MARCHF1: variants seen among roughly 807,000 people sequenced by gnomAD.
The protein encoded by MARCHF1 is membrane associated ring-CH-type finger 1, also known as E3 ubiquitin-protein ligase MARCHF1.
MARCHF1 carries 40 observed loss-of-function variants against 54.2 expected under a neutral mutation model. That is an observed-to-expected ratio of 0.74 (90% CI 0.57 to 0.96). The LOEUF (loss-of-function observed/expected upper bound fraction) is 0.96. Among genes scored for constraint, MARCHF1 ranks in the 40% least tolerant of loss-of-function variants. The pLI is 0.00. For synonymous variants in MARCHF1, 236 were observed against 236.3 expected (o/e 1.00, Z 0.01); for missense variants, 586 against 656.5 (o/e 0.89, Z 1.17).
chr4:164,003,052 G>A (rs1249983379), intron 2 of MARCHF1, among the ~76,000 whole-genome samples: 1 of 151,844 alleles, frequency 6.6e-6, no homozygotes, highest in Non-Finnish European at 1.5e-5. Context: ...GAAAGAATGA[G>A]AAGAGGAATA....
intron 5 of MARCHF1, among the ~76,000 whole-genome samples, chr4:163,697,301 A>C (rs1744666036): frequency 6.6e-6 from 1 of 152,172 alleles, no homozygotes; most frequent in African/African-American, 2.4e-5. Context: ...ACAGTGAATC[A>C]TCCTTAACAG....
At chr4:163,986,296 G>A (rs1399709594) in intron 3 of MARCHF1, among the ~76,000 whole-genome samples, 3 of 47,370 alleles carry the variant, frequency 6.3e-5, no homozygotes, top group Non-Finnish European at 1.4e-4. Context: ...GGAGTGTCTC[G>A]CTCTGTCGCC....
chr4:164,049,608 T>C (rs1035465411), intron 2 of MARCHF1, among the ~76,000 whole-genome samples: 8 of 152,106 alleles, frequency 5.3e-5, no homozygotes. Context: ...CCTGAAAACA[T>C]ACCCTTGGAT....
chr4:163,865,855 T>C (rs1475400911), intron 3 of MARCHF1, among the ~76,000 whole-genome samples: 1 of 151,716 alleles, frequency 6.6e-6, no homozygotes, highest in Non-Finnish European at 1.5e-5. Flanking sequence ...ATATAGTTTT[T>C]TTCTGATAAA....
chr4:163,577,357 T>A (rs908885025), intron 8 of MARCHF1, among the ~76,000 whole-genome samples: 1 of 152,072 alleles, frequency 6.6e-6, no homozygotes, highest in Non-Finnish European at 1.5e-5. Context: ...TGGTGGGTTA[T>A]AAACTTCTTG....
At chr4:164,296,392 A>G (rs1734412092) in intron 1 of MARCHF1, among the ~76,000 whole-genome samples, 2 of 152,148 alleles carry the variant, frequency 1.3e-5, no homozygotes, top group South Asian at 4.1e-4. Flanking sequence ...ATTTTTCTGG[A>G]GAGCGAGTCT....
chr4:163,889,557 G>T (rs1421746213), intron 3 of MARCHF1, among the ~76,000 whole-genome samples: 1 of 152,064 alleles, frequency 6.6e-6, no homozygotes, highest in Non-Finnish European at 1.5e-5. Context: ...TACATGGGGG[G>T]AGAAAAGAAG....
intron 1 of MARCHF1, among the ~76,000 whole-genome samples, chr4:164,141,614 G>A (rs1196861676): frequency 2.0e-5 from 3 of 152,230 alleles, no homozygotes; most frequent in Non-Finnish European, 2.9e-5. Flanking sequence ...TAGAGCCCAT[G>A]ATTTCACCTG....
At chr4:164,163,825 G>C (rs2110950593) in intron 1 of MARCHF1, among the ~76,000 whole-genome samples, 1 of 151,974 alleles carries the variant, frequency 6.6e-6, no homozygotes, top group Admixed American at 6.6e-5. Flanking sequence ...TACCAAGACA[G>C]ACTCTATTCT....
chr4:163,876,431 CT>C (rs1750291335), intron 3 of MARCHF1, among the ~76,000 whole-genome samples: 1 of 152,148 alleles, frequency 6.6e-6, no homozygotes, highest in Non-Finnish European at 1.5e-5. Flanking sequence ...GTCTCAAATC[CT>C]GTTTCTTCCC....
intron 1 of MARCHF1, among the ~76,000 whole-genome samples, chr4:164,357,131 T>A (rs1730579282): frequency 6.7e-6 from 1 of 148,388 alleles, no homozygotes; most frequent in African/African-American, 2.5e-5. Context: ...AAAAAAAAAA[T>A]AAATAAAAAT....
At chr4:164,125,551 A>T (rs1756161733) in intron 1 of MARCHF1, among the ~76,000 whole-genome samples, 1 of 152,168 alleles carries the variant, frequency 6.6e-6, no homozygotes, top group South Asian at 2.1e-4. Context: ...TCCTGAAATG[A>T]TTATTATTTA....
chr4:163,804,030 G>T (rs887251202), intron 4 of MARCHF1, among the ~76,000 whole-genome samples: 1 of 152,068 alleles, frequency 6.6e-6, no homozygotes, highest in African/African-American at 2.4e-5. Flanking sequence ...TAAGGCTTAA[G>T]GTTCACTCTT....
intron 7 of MARCHF1, among the ~76,000 whole-genome samples, chr4:163,593,716 C>G (rs1221025501): frequency 6.6e-6 from 1 of 152,160 alleles, no homozygotes; most frequent in Non-Finnish European, 1.5e-5. Context: ...ATTGACAAAG[C>G]AGGCACTTTA....
chr4:164,222,106 T>G (rs1182115582), intron 1 of MARCHF1, among the ~76,000 whole-genome samples: 1 of 152,094 alleles, frequency 6.6e-6, no homozygotes, highest in Non-Finnish European at 1.5e-5. Flanking sequence ...AAATTTTTTC[T>G]AAGTGCCTTT....
At chr4:164,285,298 G>A (rs1196444992) in intron 1 of MARCHF1, among the ~76,000 whole-genome samples, 1 of 152,002 alleles carries the variant, frequency 6.6e-6, no homozygotes, top group Non-Finnish European at 1.5e-5. Context: ...AGAAGGCTGA[G>A]GCAAGATGAT....
At chr4:164,299,948 A>G (rs1233286371) in intron 1 of MARCHF1, among the ~76,000 whole-genome samples, 1 of 152,204 alleles carries the variant, frequency 6.6e-6, no homozygotes, top group Non-Finnish European at 1.5e-5. Context: ...GGTAGAATTC[A>G]CTAATTATCT....
chr4:163,868,500 T>C (rs1750103092), intron 3 of MARCHF1, among the ~76,000 whole-genome samples: 1 of 151,986 alleles, frequency 6.6e-6, no homozygotes, highest in African/African-American at 2.4e-5. Flanking sequence ...AAAACATAAT[T>C]TGAATACATC....
chr4:164,136,009 G>A (rs935568694), intron 1 of MARCHF1, among the ~76,000 whole-genome samples: 4 of 151,786 alleles, frequency 2.6e-5, no homozygotes, highest in African/African-American at 9.7e-5. Context: ...CGATTTCTAG[G>A]TAGAAAAATG....
Sources: gnomAD v4.1 joint callset for allele counts (sites outside exome capture counted in the v4.1 genomes callset) on GRCh38, gnomAD v4.1.1 for gene constraint, MANE v1.5 for transcripts, NCBI Gene and HGNC (gene_info 2026-07-23, HGNC 2026-07-21) for gene names.